CD163L1: variants seen among roughly 807,000 people sequenced by gnomAD.
The protein encoded by CD163L1 is scavenger receptor cysteine-rich type 1 protein M160.
CD163L1 carries 124 observed loss-of-function variants against 165.4 expected under a neutral mutation model. That is an observed-to-expected ratio of 0.75 (90% CI 0.65 to 0.87). The LOEUF (loss-of-function observed/expected upper bound fraction) is 0.87, where lower values mean the gene tolerates loss of function less well. CD163L1 is among the 40% of genes least tolerant of loss of function. The pLI is 0.00. For synonymous variants in CD163L1, 585 were observed against 662.2 expected (o/e 0.88, Z 1.79); for missense variants, 1,525 against 1,799.9 (o/e 0.85, Z 2.76).
chr12:7,368,082 C>G lies in CD163L1; in HGVS notation c.4183+5G>C. 6.5e-7 allele frequency: 1 copy of G among 1,546,004 alleles called. No individual in the cohort carries two copies. The highest frequency in any genetic ancestry group is 1.1e-5 in the South Asian group (1 of 89,676). The stretch of plus-strand genomic sequence containing the variant: ...CATTTTATACAATCCTAGTGGGGCT[C>G]TCACCTCTGAGGGGCAGATGTTTTT... On this transcript the variant is annotated splice_donor_5th_base_variant and intron_variant, in intron 17 of 19. Coordinates refer to ENST00000313599, the MANE Select transcript of CD163L1 (RefSeq NM_174941.6). The surrounding 1 kb of genome is among the most constrained non-coding windows in gnomAD (Gnocchi z 4.3).
intron 4 of CD163L1, among the ~76,000 whole-genome samples, chr12:7,410,946 TACAA>T (rs1948127716): frequency 6.6e-6 from 1 of 150,854 alleles, no homozygotes; most frequent in Non-Finnish European, 1.5e-5. Context: ...TGCCATAAAC[TACAA>T]GTGCAGGAAC....
chr12:7,332,184 C>T, the CD163L1 span, among the ~76,000 whole-genome samples: 11 of 151,956 alleles, frequency 7.2e-5, no homozygotes, highest in East Asian at 1.2e-3. Context: ...AGGGTATCAG[C>T]AATGGAAGAC....
At position 7,398,085 on chromosome 12, in the gene CD163L1, T is replaced by G. The variant is rs112111495; in HGVS notation, c.1729+179A>C. ...TAGTCAGGGTTGTCTACTAATTTCT[T>G]ACTTTACCTGTATAAGTGGAAGAGT... On this transcript the variant is annotated intron_variant, in intron 7 of 19. Transcript: ENST00000313599. The surrounding 1 kb of genome is among the most constrained non-coding windows in gnomAD (Gnocchi z 4.5). 3.3e-5 allele frequency among the ~76,000 whole-genome samples: 5 copies of G among 152,334 alleles called. 1 individual carries two copies. The highest frequency in any genetic ancestry group is 1.2e-4 in the African/African-American group (5 of 41,584).
the CD163L1 span, among the ~76,000 whole-genome samples, chr12:7,341,022 G>A: frequency 6.6e-6 from 1 of 152,162 alleles, no homozygotes; most frequent in Non-Finnish European, 1.5e-5. Flanking sequence ...AATTCTGTAT[G>A]TGTCCAAAGT....
chr12:7,365,914 A>G (rs1947008288), intron 18 of CD163L1, among the ~76,000 whole-genome samples: 2 of 152,178 alleles, frequency 1.3e-5, no homozygotes, highest in South Asian at 2.1e-4. Flanking sequence ...TTCTGGGTAT[A>G]TATCCAAAAG....
chr12:7,354,126 A>G (rs147979294), downstream of CD163L1, among the ~76,000 whole-genome samples: 1 of 152,190 alleles, frequency 6.6e-6, no homozygotes, highest in African/African-American at 2.4e-5. Flanking sequence ...ACTCTTTGAG[A>G]GCAGAGACCC....
At chr12:7,356,030 T>C (rs1946767683) in intron 19 of CD163L1, among the ~76,000 whole-genome samples, 1 of 152,150 alleles carries the variant, frequency 6.6e-6, no homozygotes, top group South Asian at 2.1e-4. Flanking sequence ...TATAGAACCC[T>C]AATTTCAAGT....
At chr12:7,324,137 CAGAGAGAGACTCTG>C in the CD163L1 span, 1 of 1,057,774 alleles carries the variant, frequency 9.5e-7, no homozygotes, top group Non-Finnish European at 1.3e-6. Flanking sequence ...GTCTAGGCAA[CAGAGAGAGACTCTG>C]TCTCAAAAAA....
rs974726830 is a variant in CD163L1, at chr12:7,432,028, G to T, written c.766+388C>A. On this transcript the variant is annotated intron_variant, in intron 4 of 19. Transcript: ENST00000313599. This position sits in a 1 kb window ranked among gnomAD's most constrained non-coding sequence, Gnocchi z 4.2. ...GTGAGATTAGGGACTTAGTCCTGATGAAATCTAAGTTTTGGTAGCTGGAAA... is the reference window on the plus strand; with the variant it reads ...GTGAGATTAGGGACTTAGTCCTGATTAAATCTAAGTTTTGGTAGCTGGAAA... Among the ~76,000 whole-genome samples the T allele has an allele frequency of 6.6e-6, 1 of 152,154 alleles. No homozygotes were observed. The highest frequency in any genetic ancestry group is 1.5e-5 in the Non-Finnish European group (1 of 68,016).
At chr12:7,367,433 C>CGTCCGGCCTTCACAGTT in intron 17 of CD163L1, 102 bp from the exon 18 acceptor site, 1 of 631,966 alleles carries the variant, frequency 1.6e-6, no homozygotes, top group South Asian at 3.0e-5. Context: ...TCCCTCTGAG[C>CGTCCGGCCTTCACAGTT]TAAAATCCAA....
At chr12:7,326,320 T>C in the CD163L1 span, among the ~76,000 whole-genome samples, 1 of 152,180 alleles carries the variant, frequency 6.6e-6, no homozygotes, top group Non-Finnish European at 1.5e-5. Context: ...TCCTCCTGCC[T>C]CAGGCTCTCA....
intron 9 of CD163L1, 144 bp from the exon 10 acceptor site, chr12:7,376,158 G>C (rs1055716053): frequency 4.4e-6 from 3 of 685,826 alleles, no homozygotes; most frequent in African/African-American, 3.6e-5. Context: ...GACAAGATTA[G>C]CAGTACAGAC....
intron 2 of CD163L1, 101 bp from the exon 3 acceptor site, chr12:7,433,795 G>C (rs762111207): frequency 1.0e-5 from 9 of 891,668 alleles, no homozygotes; most frequent in Non-Finnish European, 1.5e-5. Flanking sequence ...TTTAAATGTT[G>C]TTATTAGAAC....
Position 7,406,654 on chromosome 12 carries a change from T to C in CD163L1, c.965A>G (p.Asp322Gly). 1 of 1,614,036 alleles carries C rather than the reference T, an allele frequency of 6.2e-7. No individual in the cohort carries two copies. The highest frequency in any genetic ancestry group is 8.5e-7 in the Non-Finnish European group (1 of 1,179,990). The change falls in exon 5 of 20, where the codon GAT becomes GGT. Residue 322 changes from aspartate (D) to glycine (G), a missense_variant. Physicochemically the swap from Asp to Gly is moderately conservative, Grantham distance 94. Coordinates refer to ENST00000313599, the MANE Select transcript of CD163L1 (RefSeq NM_174941.6). ...GGAGACACCATCAAGCCATACAACATCAGACCCTGACTGCAAATGAGGCAA... is the reference window on the plus strand; with the variant it reads ...GGAGACACCATCAAGCCATACAACACCAGACCCTGACTGCAAATGAGGCAA... Reference protein sequence around the residue: ...AGLPHLQSGSDVVWLDGVSCS... With the variant: ...AGLPHLQSGSGVVWLDGVSCS...
intron 5 of CD163L1, 149 bp downstream of exon 5, chr12:7,406,383 T>A (rs777177820): frequency 1.4e-6 from 1 of 702,200 alleles, no homozygotes; most frequent in East Asian, 2.7e-5. Flanking sequence ...AAGGAAACAT[T>A]GAAAGTGTCA....
chr12:7,413,025 G>A (rs1948168305), intron 4 of CD163L1, among the ~76,000 whole-genome samples: 2 of 149,352 alleles, frequency 1.3e-5, no homozygotes, highest in Admixed American at 6.7e-5. Context: ...GAACTTGGAG[G>A]GTGGAGGTTG....
the CD163L1 span, among the ~76,000 whole-genome samples, chr12:7,335,932 G>A: frequency 1.3e-5 from 2 of 148,596 alleles, no homozygotes; most frequent in African/African-American, 2.4e-5. Flanking sequence ...GGCCATCAGA[G>A]AAATGCAAAT....
rs766108550 is a variant in CD163L1, at chr12:7,377,952, A to G, written c.2371+1026T>C. Among the ~76,000 whole-genome samples the G allele has an allele frequency of 9.2e-5, 14 of 152,270 alleles. No individual in the cohort carries two copies. The East Asian group carries it at 2.5e-3, about 27-fold the overall frequency. On this transcript the variant is annotated intron_variant, in intron 9 of 19. Coordinates refer to ENST00000313599, the MANE Select transcript of CD163L1 (RefSeq NM_174941.6). ...ACTCTAATAGTTATATCTCCATTCAATACAAGTCTTCTGATCATCTAAATC... is the reference window on the plus strand; with the variant it reads ...ACTCTAATAGTTATATCTCCATTCAGTACAAGTCTTCTGATCATCTAAATC...
chr12:7,334,011 C>G, the CD163L1 span, among the ~76,000 whole-genome samples: 2 of 151,362 alleles, frequency 1.3e-5, no homozygotes, highest in Admixed American at 1.3e-4. Context: ...GCTTACCAAC[C>G]AAAAAAAGTC....
Sources: gnomAD v4.1 joint callset for allele counts (sites outside exome capture counted in the v4.1 genomes callset) on GRCh38, gnomAD v4.1.1 for gene constraint, Gnocchi (gnomAD v3.1) non-coding constraint, MANE v1.5 for transcripts, NCBI Gene and HGNC (gene_info 2026-07-23, HGNC 2026-07-21) for gene names.